Variants in VPS41 observed in about 807,000 individuals in gnomAD.
VPS41 encodes the protein vacuolar protein sorting-associated protein 41 homolog.
In VPS41, 85 loss-of-function variants were observed where a neutral mutation model predicts 130.9. The ratio of observed to expected loss-of-function variants is 0.65; its 90% confidence interval spans 0.55 to 0.78. The LOEUF (loss-of-function observed/expected upper bound fraction) is 0.78. VPS41 is among the 30% of genes least tolerant of loss of function. The probability of loss-of-function intolerance (pLI) is 0.00; values close to 1 mark genes in which losing one functional copy is unlikely to be tolerated. For synonymous variants in VPS41, 335 were observed against 332.9 expected (o/e 1.01, Z -0.07); for missense variants, 874 against 1,018.7 (o/e 0.86, Z 1.93).
chr7:38,788,484 G>A (rs1418302227), intron 10 of VPS41, among the ~76,000 whole-genome samples: 3 of 152,144 alleles, frequency 2.0e-5, no homozygotes, highest in Admixed American at 6.5e-5. Flanking sequence ...TGATCAATAA[G>A]TATCAGCTAA....
At chr7:38,738,389 A>G (rs572606497) in intron 25 of VPS41, among the ~76,000 whole-genome samples, 1 of 152,342 alleles carries the variant, frequency 6.6e-6, no homozygotes, top group Non-Finnish European at 1.5e-5. Flanking sequence ...CAACCTTCTC[A>G]TCTGTAAAAC....
At chr7:38,856,361 G>C (rs1261155849) in intron 4 of VPS41, among the ~76,000 whole-genome samples, 2 of 151,992 alleles carry the variant, frequency 1.3e-5, no homozygotes, top group Non-Finnish European at 2.9e-5. Context: ...TCACATTGAG[G>C]GTTAGGACCT....
chr7:38,902,213 C>T (rs1787160473), intron 1 of VPS41, among the ~76,000 whole-genome samples: 1 of 152,170 alleles, frequency 6.6e-6, no homozygotes, highest in African/African-American at 2.4e-5. Context: ...CACTGCCCTC[C>T]TCAAACAACC....
At chr7:38,754,162 T>C (rs898116494) in intron 21 of VPS41, among the ~76,000 whole-genome samples, 3 of 152,264 alleles carry the variant, frequency 2.0e-5, no homozygotes, top group South Asian at 4.2e-4. Flanking sequence ...AAATATGGAA[T>C]TAGCTATTGT....
chr7:38,840,042 T>C (rs922298431), intron 4 of VPS41, among the ~76,000 whole-genome samples: 6 of 152,220 alleles, frequency 3.9e-5, no homozygotes, highest in African/African-American at 1.4e-4. Context: ...AGCTGGCTGC[T>C]GTCCACCCTT....
At chr7:38,767,453 A>C (rs1784068873) in intron 15 of VPS41, 84 bp downstream of exon 15, 2 of 816,872 alleles carry the variant, frequency 2.4e-6, no homozygotes, top group African/African-American at 3.6e-5. Context: ...TAAAATGTCA[A>C]CTGCAAAGAA....
chr7:38,763,624 T>C, intron 16 of VPS41, 77 bp from the exon 17 acceptor site: 2 of 886,624 alleles, frequency 2.3e-6, no homozygotes. Flanking sequence ...GCAGAAAACA[T>C]AAAGTATATT....
chr7:38,726,418 G>T, intron 28 of VPS41, 92 bp from the exon 29 acceptor site: 1 of 973,604 alleles, frequency 1.0e-6, no homozygotes, highest in Non-Finnish European at 1.6e-6. Flanking sequence ...TAGTCAGGGG[G>T]TGGAGAGGAA....
chr7:38,768,297 A>G (rs1473344834), intron 14 of VPS41, among the ~76,000 whole-genome samples: 1 of 152,184 alleles, frequency 6.6e-6, no homozygotes, highest in Non-Finnish European at 1.5e-5. Flanking sequence ...TTTGCACCTA[A>G]AAGTATTTTC....
intron 10 of VPS41, among the ~76,000 whole-genome samples, chr7:38,779,900 A>G (rs1398795542): frequency 1.3e-5 from 2 of 152,206 alleles, no homozygotes; most frequent in African/African-American, 4.8e-5. Context: ...TTATATTTCA[A>G]ATTTTCAGTG....
intron 3 of VPS41, among the ~76,000 whole-genome samples, chr7:38,868,402 G>A (rs575809320): frequency 3.9e-5 from 6 of 152,272 alleles, no homozygotes; most frequent in East Asian, 1.9e-4. Flanking sequence ...GGAAGCAAGC[G>A]GGAGGATGAG....
chr7:38,878,093 T>C (rs1024469645), intron 2 of VPS41, among the ~76,000 whole-genome samples: 1 of 152,168 alleles, frequency 6.6e-6, no homozygotes, highest in Non-Finnish European at 1.5e-5. Flanking sequence ...GTGCCCTCCA[T>C]GGTCTGGGAG....
At chr7:38,765,832 C>G in intron 15 of VPS41, 171 bp from the exon 16 acceptor site, 1 of 504,722 alleles carries the variant, frequency 2.0e-6, no homozygotes, top group Non-Finnish European at 3.4e-6. Context: ...ATTACTGTTA[C>G]TCATTTGGTT....
chr7:38,846,534 G>A (rs893451427), intron 4 of VPS41, among the ~76,000 whole-genome samples: 2 of 152,186 alleles, frequency 1.3e-5, no homozygotes, highest in East Asian at 3.9e-4. Flanking sequence ...CCACTGTTAC[G>A]ACAGAAAGCA....
intron 12 of VPS41, among the ~76,000 whole-genome samples, chr7:38,773,598 T>C (rs549772881): frequency 1.3e-5 from 2 of 152,328 alleles, no homozygotes; most frequent in East Asian, 3.9e-4. Flanking sequence ...GACTAAATAT[T>C]AATGGTTCTC....
chr7:38,801,120 A>G (rs113226265), intron 7 of VPS41, among the ~76,000 whole-genome samples: 1 of 152,322 alleles, frequency 6.6e-6, no homozygotes, highest in African/African-American at 2.4e-5. Context: ...TACCTCCCAA[A>G]ACAAGAAACT....
chr7:38,799,746 A>T (rs571487844), intron 7 of VPS41, among the ~76,000 whole-genome samples: 75 of 152,356 alleles, frequency 4.9e-4, no homozygotes, highest in African/African-American at 1.6e-3. Context: ...AGGAATTTTT[A>T]AAAAATTAAG....
chr7:38,735,255 A>G (rs1039829315), intron 25 of VPS41, among the ~76,000 whole-genome samples: 1 of 152,212 alleles, frequency 6.6e-6, no homozygotes, highest in African/African-American at 2.4e-5. Flanking sequence ...CTCTTAGAAG[A>G]AAATTAGGAG....
At chr7:38,902,463 G>C (rs1397777917) in intron 1 of VPS41, among the ~76,000 whole-genome samples, 1 of 152,160 alleles carries the variant, frequency 6.6e-6, no homozygotes, top group Non-Finnish European at 1.5e-5. Flanking sequence ...GTTTGGCCTA[G>C]GTGGTGTTTT....
Sources: gnomAD v4.1 joint callset for allele counts (sites outside exome capture counted in the v4.1 genomes callset) on GRCh38, gnomAD v4.1.1 for gene constraint, MANE v1.5 for transcripts, NCBI Gene and HGNC (gene_info 2026-07-23, HGNC 2026-07-21) for gene names.